ELFN2: variants seen among roughly 807,000 people sequenced by gnomAD.
ELFN2 encodes the protein protein phosphatase 1 regulatory subunit 29.
ELFN2 carries 17 observed loss-of-function variants against 45.5 expected under a neutral mutation model. The observed-to-expected ratio is 0.37, with a 90% CI of 0.26 to 0.56. ELFN2 has a LOEUF of 0.56. Ranked by LOEUF, ELFN2 falls within the 20% of genes least tolerant of loss-of-function variation. The pLI is 0.77. For synonymous variants in ELFN2, 550 were observed against 551.5 expected, an observed-to-expected ratio of 1.00 and a Z score of 0.04; for missense variants, 922 against 1,183.2, an observed-to-expected ratio of 0.78 and a Z score of 3.24.
At chr22:37,357,551 A>G (rs918371818) in intron 1 of ELFN2, among the ~76,000 whole-genome samples, 6 of 152,126 alleles carry the variant, frequency 3.9e-5, no homozygotes, top group African/African-American at 1.4e-4. Flanking sequence ...AACTCACTAC[A>G]CTTCCCAAAA....
intron 1 of ELFN2, among the ~76,000 whole-genome samples, chr22:37,356,509 G>C (rs1930953861): frequency 6.6e-6 from 1 of 152,198 alleles, no homozygotes; most frequent in South Asian, 2.1e-4. Flanking sequence ...TAGTTTGAAA[G>C]TTTTGAAACA....
rs1932142838 is a variant in ELFN2, at chr22:37,393,833, T to C, written c.-462-17837A>G. Reference sequence around the variant, plus strand: ...ACCTTCTTCCCAAGCTCTTCCTTTATAGGCCCGATCTCTGCCTAATGGAGC... The same window carrying C: ...ACCTTCTTCCCAAGCTCTTCCTTTACAGGCCCGATCTCTGCCTAATGGAGC... On this transcript the variant is annotated intron_variant, in intron 2 of 2. Transcript: ENST00000402918. 2.0e-5 allele frequency among the ~76,000 whole-genome samples: 3 copies of C among 152,286 alleles called. 1 individual carries two copies. In the South Asian group the frequency reaches 6.2e-4, roughly 32 times the overall value.
chr22:37,425,587 GC>G (rs113093519), intron 1 of ELFN2, among the ~76,000 whole-genome samples: 37,342 of 151,982 alleles, frequency 0.25, 5,479 homozygotes, highest in African/African-American at 0.4. Context: ...GCGGCCTGGA[GC>G]TTATGTCACA....
At chr22:37,410,213 A>G (rs1932611970) in intron 2 of ELFN2, among the ~76,000 whole-genome samples, 1 of 152,090 alleles carries the variant, frequency 6.6e-6, no homozygotes, top group African/African-American at 2.4e-5. Context: ...AGACAAAGAG[A>G]CAGGGAGAGA....
Position 37,351,585 on chromosome 22 carries a change from C to T in ELFN2, n.149-8882G>A, listed in dbSNP as rs188480783. 1.9e-3 allele frequency among the ~76,000 whole-genome samples: 287 copies of T among 150,516 alleles called. 18 individuals are homozygous for T. In the Middle Eastern group the frequency reaches 0.034, roughly 18 times the overall value. On this transcript the variant is annotated intron_variant and non_coding_transcript_variant, in intron 1 of 2. Transcript: ENST00000452946. ...CCTTCCCCATGCTCCAGCGTCCCCC[C>T]CACCCTCTCGACTTCTGACCATCCC... is the stretch of plus-strand genomic sequence containing the variant.
intron 2 of ELFN2, among the ~76,000 whole-genome samples, chr22:37,385,810 A>G (rs1269650321): frequency 6.6e-6 from 1 of 152,136 alleles, no homozygotes; most frequent in Non-Finnish European, 1.5e-5. Context: ...GGGTTTTAGT[A>G]CCAGGATACT....
At chr22:37,351,594 C>T (rs1268337701) in intron 1 of ELFN2, among the ~76,000 whole-genome samples, 1 of 150,148 alleles carries the variant, frequency 6.7e-6, no homozygotes, top group Non-Finnish European at 1.5e-5. Flanking sequence ...CCCACCCTCT[C>T]GACTTCTGAC....
At chr22:37,394,681 G>A (rs546997708) in intron 2 of ELFN2, among the ~76,000 whole-genome samples, 3 of 152,330 alleles carry the variant, frequency 2.0e-5, no homozygotes, top group African/African-American at 2.4e-5. Context: ...TTCATCCTAC[G>A]GGCCGTGGTG....
At chr22:37,386,542 T>G (rs1000544347) in intron 2 of ELFN2, among the ~76,000 whole-genome samples, 1 of 151,878 alleles carries the variant, frequency 6.6e-6, no homozygotes, top group African/African-American at 2.4e-5. Flanking sequence ...CCAAATTCCC[T>G]CCCCCTGGCC....
chr22:37,375,520 C>T lies in ELFN2; in HGVS notation c.15G>A (p.Gly5=), dbSNP rs541819190. 6.4e-7 allele frequency: 1 copy of T among 1,558,346 alleles called. No individual in the cohort carries two copies. The highest frequency in any genetic ancestry group is 1.2e-5 in the South Asian group (1 of 85,536). The change falls in exon 3 of 3, where the codon GGG becomes GGA. Residue 5 remains glycine, a synonymous_variant. Transcript: ENST00000402918. MLRL[G]LCAAALLCVC... is the part of the protein sequence containing the mutation. ...CGCACAGCAGCGCCGCCGCGCACAG[C>T]CCCAGGCGCAGCATGGCGCTGGCCT... is the stretch of plus-strand genomic sequence containing the variant.
intron 1 of ELFN2, among the ~76,000 whole-genome samples, chr22:37,345,425 T>C (rs1291536255): frequency 6.6e-6 from 1 of 152,182 alleles, no homozygotes; most frequent in African/African-American, 2.4e-5. Context: ...TAACATGCAT[T>C]AATAACAACC....
downstream of ELFN2, among the ~76,000 whole-genome samples, chr22:37,365,912 G>GAGCACA (rs11282339): frequency 3.2e-4 from 48 of 152,212 alleles, no homozygotes; most frequent in Non-Finnish European, 5.7e-4. Flanking sequence ...ATCTGAGCAC[G>GAGCACA]TGTAGCGTTT....
chr22:37,395,106 A>AAAATAAATAAATAAAT (rs3041590), intron 2 of ELFN2, among the ~76,000 whole-genome samples: 3 of 140,928 alleles, frequency 2.1e-5, no homozygotes, highest in African/African-American at 5.2e-5. Context: ...CTCTGTCTCA[A>AAAATAAATAAATAAAT]AAATAAATAA....
chr22:37,373,736 C>A lies in ELFN2; in HGVS notation c.1799G>T (p.Ser600Ile). Reference sequence around the variant, plus strand: ...CTCCTTGTAGGGAGGCGAAAGGAAGCTGGGCCGCTCCAGGGCCCCGGGGCC... The same window carrying A: ...CTCCTTGTAGGGAGGCGAAAGGAAGATGGGCCGCTCCAGGGCCCCGGGGCC... ...ATGPGALERP[S>I]FLSPPYKESS... Residue 600 changes from serine (S) to isoleucine (I), a missense_variant, in exon 3 of 3, where the codon AGC (serine) becomes ATC (isoleucine). Around this residue, in one of 2 missense-constraint regions of ELFN2, gnomAD observed 564 missense variants for 642.8 expected, o/e 0.88. Transcript: ENST00000402918. 3.2e-6 allele frequency: 5 copies of A among 1,561,556 alleles called. No homozygotes were observed. The highest frequency in any genetic ancestry group is 4.3e-6 in the Non-Finnish European group (5 of 1,161,380).
At chr22:37,390,438 AG>A (rs1437991815) in intron 2 of ELFN2, among the ~76,000 whole-genome samples, 2 of 152,188 alleles carry the variant, frequency 1.3e-5, no homozygotes, top group African/African-American at 4.8e-5. Context: ...AACCCACCAA[AG>A]GGTGGCCCAA....
intron 1 of ELFN2, among the ~76,000 whole-genome samples, chr22:37,350,159 A>G (rs907125963): frequency 4.0e-5 from 6 of 150,918 alleles, no homozygotes; most frequent in Admixed American, 6.6e-5. Flanking sequence ...GACGCCCAGG[A>G]GTGAGCGGGT....
intron 2 of ELFN2, among the ~76,000 whole-genome samples, chr22:37,390,193 G>A (rs891775354): frequency 1.3e-5 from 2 of 152,234 alleles, no homozygotes; most frequent in Non-Finnish European, 2.9e-5. Context: ...CCAGAGAGAT[G>A]TGAGGAGTGT....
intron 2 of ELFN2, among the ~76,000 whole-genome samples, chr22:37,393,554 G>A (rs1932135982): frequency 6.6e-6 from 1 of 152,202 alleles, no homozygotes. Context: ...AATAATAACA[G>A]CACCCAGCAC....
intron 2 of ELFN2, among the ~76,000 whole-genome samples, chr22:37,393,969 G>C (rs1932146643): frequency 6.6e-6 from 1 of 152,186 alleles, no homozygotes; most frequent in South Asian, 2.1e-4. Flanking sequence ...GCCACCGCCA[G>C]CATCACTCCT....
Sources: allele counts gnomAD v4.1 joint callset (sites outside exome capture counted in the v4.1 genomes callset), GRCh38; gene constraint gnomAD v4.1.1; regional missense constraint gnomAD v4.1.1; transcripts MANE v1.5; gene names NCBI Gene and HGNC (gene_info 2026-07-23, HGNC 2026-07-21).